IFT88: variants seen among roughly 807,000 people sequenced by gnomAD.
The protein encoded by IFT88 is intraflagellar transport protein 88 homolog.
IFT88 carries 74 observed loss-of-function variants against 119.5 expected under a neutral mutation model. That is an observed-to-expected ratio of 0.62 (90% CI 0.51 to 0.75). IFT88 has a LOEUF of 0.75. Among genes scored for constraint, IFT88 ranks in the 30% least tolerant of loss-of-function variants. IFT88 has a pLI of 0.00. For missense variants in IFT88, 961 were observed against 977.7 expected (o/e 0.98, Z 0.23); for synonymous variants, 279 against 316.7 (o/e 0.88, Z 1.26).
chr13:20,625,698 A>G, intron 14 of IFT88, 52 bp from the exon 15 acceptor site: 3 of 1,243,582 alleles, frequency 2.4e-6, no homozygotes, highest in African/African-American at 3.0e-5. Context: ...AACCAACAGC[A>G]TCAATATACT....
chr13:20,652,469 T>TA (rs142730474), intron 20 of IFT88, among the ~76,000 whole-genome samples: 2,350 of 150,772 alleles, frequency 0.016, 53 homozygotes, highest in African/African-American at 0.051. Flanking sequence ...AAACTCTCTT[T>TA]AAAAAAAAAT....
chr13:20,658,215 G>A (rs1217407785), intron 22 of IFT88, among the ~76,000 whole-genome samples: 1 of 151,692 alleles, frequency 6.6e-6, no homozygotes, highest in African/African-American at 2.4e-5. Context: ...TCCTGCTTCA[G>A]TGTCCCTAGT....
intron 15 of IFT88, among the ~76,000 whole-genome samples, chr13:20,628,484 A>G (rs939556276): frequency 3.3e-5 from 5 of 152,234 alleles, no homozygotes; most frequent in African/African-American, 9.6e-5. Flanking sequence ...TTGTTTTGCC[A>G]TTTAGAATGA....
chr13:20,597,380 G>A (rs1287639437), intron 9 of IFT88, among the ~76,000 whole-genome samples: 1 of 152,112 alleles, frequency 6.6e-6, no homozygotes, highest in African/African-American at 2.4e-5. Context: ...GTCAAGGTGG[G>A]AGGATTACTG....
chr13:20,683,040 C>T (rs991947821), intron 24 of IFT88, among the ~76,000 whole-genome samples: 2 of 152,166 alleles, frequency 1.3e-5, no homozygotes, highest in African/African-American at 4.8e-5. Context: ...GAATTAATGG[C>T]TCTAAGATCT....
intron 14 of IFT88, among the ~76,000 whole-genome samples, chr13:20,621,848 A>G (rs2046572377): frequency 6.6e-6 from 1 of 152,178 alleles, no homozygotes; most frequent in Admixed American, 6.5e-5. Flanking sequence ...GTAGTATTGT[A>G]TAGAATAGCT....
rs75545350 is a variant in IFT88, at chr13:20,652,927, G to A, written c.1950-949G>A. On this transcript the variant is annotated intron_variant, in intron 20 of 25. Transcript: ENST00000351808. ...AAATGCAGGGGATACAGGGAAGTCC[G>A]TGCTCCTGTGTGAATTTGCTGTAAC... Among the ~76,000 whole-genome samples, 726 of 152,274 alleles carry A rather than the reference G, an allele frequency of 4.8e-3. 9 individuals carry two copies. The highest frequency in any genetic ancestry group is 0.017 in the African/African-American group (687 of 41,558).
At position 20,601,888 on chromosome 13, in the gene IFT88, T is replaced by G. The variant is rs1193539634; in HGVS notation, c.996T>G (p.Ile332Met). 2 of 1,608,098 alleles carry G rather than the reference T, an allele frequency of 1.2e-6. No homozygotes were observed. Among genetic ancestry groups the G allele is most frequent in the Non-Finnish European group, 1.7e-6 (2 of 1,174,702 alleles). The change falls in exon 12 of 26, where the codon ATT becomes ATG. Residue 332 changes from isoleucine to methionine, a missense_variant. By Grantham distance (10) the Ile-to-Met change is conservative. Transcript: ENST00000351808. ...TGAAGAAGGCATTCCAAAAATTGAT[T>G]ACTGTTCCATTAGAAATTGATGAAG... ...EKMKKAFQKL[I>M]TVPLEIDEDK...
intron 24 of IFT88, among the ~76,000 whole-genome samples, chr13:20,681,812 A>G (rs945383953): frequency 1.3e-5 from 2 of 152,230 alleles, no homozygotes; most frequent in Non-Finnish European, 2.9e-5. Flanking sequence ...AGCAGTCAGC[A>G]CCTCAATTAC....
chr13:20,606,897 A>G (rs2043575635), intron 13 of IFT88, among the ~76,000 whole-genome samples: 1 of 152,278 alleles, frequency 6.6e-6, no homozygotes, highest in East Asian at 1.9e-4. Flanking sequence ...TAAAATAAAT[A>G]AATAAATAAA....
Position 20,666,052 on chromosome 13 carries a change from C to T in IFT88, c.2175+2448C>T, listed in dbSNP as rs146498493. Among the ~76,000 whole-genome samples, 1,090 of 152,280 alleles carry T rather than the reference C, an allele frequency of 7.2e-3. 5 individuals are homozygous for T. Among genetic ancestry groups the T allele is most frequent in the Admixed American group, 0.012 (190 of 15,296 alleles). ...CAGTCTTCTTAAGAACCCTTAACTA[C>T]GTAACAAGTAACTGCTCCTTGTTCC... On this transcript the variant is annotated intron_variant, in intron 23 of 25. Transcript: ENST00000351808.
chr13:20,653,046 A>G (rs2052053929), intron 20 of IFT88, among the ~76,000 whole-genome samples: 1 of 152,216 alleles, frequency 6.6e-6, no homozygotes, highest in Admixed American at 6.5e-5. Flanking sequence ...TGGATTTAGC[A>G]TGTAGGTGGA....
At chr13:20,686,629 T>C (rs2057940891) in intron 24 of IFT88, among the ~76,000 whole-genome samples, 1 of 146,928 alleles carries the variant, frequency 6.8e-6, no homozygotes, top group African/African-American at 2.6e-5. Context: ...ACAAAATCAT[T>C]GTATTTAAAT....
At chr13:20,672,578 C>T (rs936323305) in intron 24 of IFT88, among the ~76,000 whole-genome samples, 2 of 152,158 alleles carry the variant, frequency 1.3e-5, no homozygotes, top group East Asian at 3.9e-4. Flanking sequence ...CCCAGCAGTT[C>T]TTAAGCCAGA....
chr13:20,619,715 C>T (rs1372069293), intron 14 of IFT88, among the ~76,000 whole-genome samples: 4 of 150,752 alleles, frequency 2.7e-5, no homozygotes, highest in South Asian at 2.1e-4. Flanking sequence ...TGGGTGGTGC[C>T]GATATTTCTG....
chr13:20,690,387 A>G (rs1034158039), intron 24 of IFT88, among the ~76,000 whole-genome samples: 32 of 152,316 alleles, frequency 2.1e-4, no homozygotes, highest in African/African-American at 7.2e-4. Context: ...GCCATTGCCT[A>G]TTTGGGCAAT....
chr13:20,646,605 A>G (rs1041733628), intron 20 of IFT88, among the ~76,000 whole-genome samples: 3 of 152,100 alleles, frequency 2.0e-5, no homozygotes, highest in African/African-American at 7.2e-5. Context: ...GGCGTGAGAC[A>G]CCACGCCCAG....
intron 11 of IFT88, among the ~76,000 whole-genome samples, chr13:20,601,400 C>T (rs962930135): frequency 6.6e-6 from 1 of 150,484 alleles, no homozygotes; most frequent in Non-Finnish European, 1.5e-5. Context: ...TTACCTAGGG[C>T]TGGGAATAAG....
intron 12 of IFT88, among the ~76,000 whole-genome samples, chr13:20,602,211 T>TTA: frequency 6.9e-6 from 1 of 144,372 alleles, no homozygotes. Context: ...AATATCTTTT[T>TTA]TTTTTTTTTT....
Sources: allele counts gnomAD v4.1 joint callset (sites outside exome capture counted in the v4.1 genomes callset), GRCh38; gene constraint gnomAD v4.1.1; transcripts MANE v1.5; gene names NCBI Gene and HGNC (gene_info 2026-07-23, HGNC 2026-07-21).